LUZP2: variants seen among roughly 807,000 people sequenced by gnomAD.
LUZP2 encodes leucine zipper protein 2.
In LUZP2, 52 loss-of-function variants were observed where a neutral mutation model predicts 51.6. The ratio of observed to expected loss-of-function variants is 1.01; its 90% confidence interval spans 0.81 to 1.27. The LOEUF (loss-of-function observed/expected upper bound fraction) is 1.27. Ranked by LOEUF, LUZP2 falls within the 50% of genes most tolerant of loss-of-function variation. LUZP2 has a pLI of 0.00. For synonymous variants in LUZP2, 154 were observed against 137.3 expected, an observed-to-expected ratio of 1.12 and a Z score of -0.85; for missense variants, 436 against 395.4, an observed-to-expected ratio of 1.10 and a Z score of -0.87.
chr11:25,060,783 A>G (rs1031839837), intron 10 of LUZP2, among the ~76,000 whole-genome samples: 3 of 152,136 alleles, frequency 2.0e-5, no homozygotes, highest in Non-Finnish European at 4.4e-5. Context: ...TTAATCTTTT[A>G]TCTTCTGTCT....
chr11:24,737,454 C>T (rs1204770928), intron 3 of LUZP2, among the ~76,000 whole-genome samples: 1 of 151,600 alleles, frequency 6.6e-6, no homozygotes, highest in East Asian at 2.0e-4. Context: ...CAAACAAGTA[C>T]ACTAGCCTTT....
intron 5 of LUZP2, among the ~76,000 whole-genome samples, chr11:24,802,924 G>A (rs984854642): frequency 4.6e-5 from 7 of 152,070 alleles, no homozygotes; most frequent in African/African-American, 1.7e-4. Flanking sequence ...TCTACCAGAC[G>A]CTGAATCTCC....
chr11:25,051,499 T>A (rs1448989089), intron 10 of LUZP2, among the ~76,000 whole-genome samples: 1 of 152,084 alleles, frequency 6.6e-6, no homozygotes, highest in Non-Finnish European at 1.5e-5. Context: ...GAAGGAAGAT[T>A]TTTACTATAG....
At position 25,052,184 on chromosome 11, in the gene LUZP2, C is replaced by A. The variant is rs149488416; in HGVS notation, c.858+2054C>A. Among the ~76,000 whole-genome samples the A allele has an allele frequency of 4.4e-3, 675 of 152,264 alleles. 6 individuals carry two copies. Among genetic ancestry groups the A allele is most frequent in the African/African-American group, 0.015 (633 of 41,552 alleles). On this transcript the variant is annotated intron_variant, in intron 10 of 11. Transcript: ENST00000336930. The stretch of plus-strand genomic sequence containing the variant: ...TAGAGTGCTCAGTATTCAGAGCCTG[C>A]AGATTCAATTATAGATAATAATGAA...
intron 1 of LUZP2, among the ~76,000 whole-genome samples, chr11:24,573,902 A>T (rs980160997): frequency 1.3e-5 from 2 of 151,530 alleles, no homozygotes; most frequent in African/African-American, 4.8e-5. Flanking sequence ...ATTATACTTT[A>T]AGTTTTAGGG....
At chr11:24,935,392 G>A (rs928158143) in intron 7 of LUZP2, among the ~76,000 whole-genome samples, 2 of 152,124 alleles carry the variant, frequency 1.3e-5, no homozygotes, top group African/African-American at 2.4e-5. Context: ...AATACTAAAT[G>A]CTTTGTTATT....
intron 1 of LUZP2, among the ~76,000 whole-genome samples, chr11:24,675,868 G>T (rs1856531120): frequency 6.6e-6 from 1 of 151,392 alleles, no homozygotes; most frequent in African/African-American, 2.4e-5. Context: ...GCCCAGGCTG[G>T]AGTACAGTGG....
At chr11:24,757,702 A>C (rs1352185106) in intron 4 of LUZP2, among the ~76,000 whole-genome samples, 1 of 151,940 alleles carries the variant, frequency 6.6e-6, no homozygotes, top group East Asian at 1.9e-4. Flanking sequence ...TATGATAAAA[A>C]TTGAATAAGA....
Position 24,711,404 on chromosome 11 carries a change from G to C in LUZP2, c.63-17765G>C, listed in dbSNP as rs527516503. Among the ~76,000 whole-genome samples the C allele has an allele frequency of 1.2e-3, 182 of 151,698 alleles. 1 individual carries two copies. Among genetic ancestry groups the C allele is most frequent in the Admixed American group, 1.4e-3 (21 of 15,252 alleles). On this transcript the variant is annotated intron_variant, in intron 1 of 11. Transcript: ENST00000336930. Reference sequence around the variant, plus strand: ...GGCGGAGCTTGCAGTGAGCCGAGATGGTGTCACTGCACTCCAGCCTGGGCG... The same window carrying C: ...GGCGGAGCTTGCAGTGAGCCGAGATCGTGTCACTGCACTCCAGCCTGGGCG...
At chr11:25,018,049 T>TTTTTTTTTTTTG (rs1857211364) in intron 9 of LUZP2, among the ~76,000 whole-genome samples, 29 of 100,846 alleles carry the variant, frequency 2.9e-4, no homozygotes, top group Non-Finnish European at 4.4e-4. Flanking sequence ...TTTTTTTTTG[T>TTTTTTTTTTTTG]TTTTTTTTTT....
intron 1 of LUZP2, among the ~76,000 whole-genome samples, chr11:24,660,352 T>C (rs1855976809): frequency 6.6e-6 from 1 of 152,336 alleles, no homozygotes; most frequent in Middle Eastern, 3.4e-3. Context: ...GAGTGTAAGC[T>C]ACATTTCTAG....
chr11:24,526,135 C>A (rs892338018), intron 1 of LUZP2, among the ~76,000 whole-genome samples: 14 of 139,782 alleles, frequency 1.0e-4, no homozygotes, highest in Admixed American at 6.9e-4. Flanking sequence ...CCATCTGTTA[C>A]TAAGTTTATC....
intron 7 of LUZP2, among the ~76,000 whole-genome samples, chr11:24,916,922 G>A (rs1853807829): frequency 6.6e-6 from 1 of 152,136 alleles, no homozygotes; most frequent in African/African-American, 2.4e-5. Flanking sequence ...GTCTTCCACA[G>A]TGGTTGAACT....
At chr11:24,633,253 A>T (rs946087768) in intron 1 of LUZP2, among the ~76,000 whole-genome samples, 76 of 152,158 alleles carry the variant, frequency 5.0e-4, no homozygotes, top group Admixed American at 8.5e-4. Context: ...CAATGAAACA[A>T]ACAGATCTGC....
At chr11:25,004,941 G>A (rs7941133) in intron 9 of LUZP2, among the ~76,000 whole-genome samples, 152,276 of 152,318 alleles carry the variant, frequency 1, 76,117 homozygotes, top group Non-Finnish European at 1. Flanking sequence ...ATTAAAAGCC[G>A]GGGTTTGATC....
rs1301224757 is a variant in LUZP2 at position 25,082,535 on chromosome 11, CTA to C, written c.*3879_*3880del. 1.3e-5 allele frequency: 2 copies of C among 152,198 alleles called. No homozygotes were observed. Among genetic ancestry groups the C allele is most frequent in the African/African-American group, 4.8e-5 (2 of 41,410 alleles). The allele number at this position is 152,198 out of a possible 1,614,324, so 9.4% of individuals were successfully genotyped here. On this transcript the variant is annotated 3_prime_UTR_variant, in exon 12 of 12. Coordinates refer to ENST00000336930, the MANE Select transcript of LUZP2 (RefSeq NM_001009909.4). ...GTGTATAGTCCTAAATTTCCCCAAA[CTA>C]TGTGTTCATTTGGATTGTGTTATAT... is the stretch of plus-strand genomic sequence containing the variant.
At chr11:24,671,569 C>T (rs1856403286) in intron 1 of LUZP2, among the ~76,000 whole-genome samples, 1 of 151,718 alleles carries the variant, frequency 6.6e-6, no homozygotes, top group Non-Finnish European at 1.5e-5. Context: ...CTTACACACA[C>T]ACACACACAC....
At chr11:24,907,888 T>A (rs7948022) in intron 6 of LUZP2, among the ~76,000 whole-genome samples, 1 of 152,212 alleles carries the variant, frequency 6.6e-6, no homozygotes, top group Non-Finnish European at 1.5e-5. Flanking sequence ...TTGCCTAATA[T>A]TGAAATGTAT....
At chr11:24,519,714 G>A (rs1850583615) in intron 1 of LUZP2, among the ~76,000 whole-genome samples, 1 of 152,246 alleles carries the variant, frequency 6.6e-6, no homozygotes, top group African/African-American at 2.4e-5. Flanking sequence ...ATTTTGATGT[G>A]AAGAATTGCA....
Sources: allele counts gnomAD v4.1 joint callset (sites outside exome capture counted in the v4.1 genomes callset), GRCh38; gene constraint gnomAD v4.1.1; transcripts MANE v1.5; gene names NCBI Gene and HGNC (gene_info 2026-07-23, HGNC 2026-07-21).